Variants in PTPN21 observed in about 807,000 individuals in gnomAD.
The protein encoded by PTPN21 is protein tyrosine phosphatase non-receptor type 21, also known as tyrosine-protein phosphatase non-receptor type 21.
A neutral mutation model predicts 131.8 loss-of-function variants in PTPN21; 77 were observed. The ratio of observed to expected loss-of-function variants is 0.58; its 90% CI spans 0.49 to 0.71. The LOEUF (loss-of-function observed/expected upper bound fraction) is 0.71, where lower values mean the gene tolerates loss of function less well. Among genes scored for constraint, PTPN21 ranks in the 30% least tolerant of loss-of-function variants. The pLI is 0.00. For missense variants in PTPN21, 1,552 were observed against 1,527.1 expected, an observed-to-expected ratio of 1.02 and a Z score of -0.27; for synonymous variants, 715 against 621.3, an observed-to-expected ratio of 1.15 and a Z score of -2.24.
intron 8 of PTPN21, among the ~76,000 whole-genome samples, chr14:88,498,706 A>C (rs746222592): frequency 1.3e-5 from 2 of 152,218 alleles, no homozygotes; most frequent in Non-Finnish European, 2.9e-5. Context: ...TGCTCTGAAA[A>C]GCTTCAGGGT....
Position 88,469,177 on chromosome 14 carries a change from A to C in PTPN21, c.3236-101T>G. ...TCTCCACTGATTAAGAGGACTGCAG[A>C]TAAAGAGCACTGGGTGCCAGTGAAC... On this transcript the variant is annotated intron_variant, in intron 17 of 18. Coordinates refer to ENST00000556564, the MANE Select transcript of PTPN21 (RefSeq NM_007039.4). This position sits in a 1 kb window ranked among gnomAD's most constrained non-coding sequence, Gnocchi z 4.3. The C allele has an allele frequency of 7.5e-7, 1 of 1,326,038 alleles. No homozygotes were observed. The highest frequency in any genetic ancestry group is 2.4e-5 in the Admixed American group (1 of 41,000). The allele number at this position is 1,326,038 out of a possible 1,614,324, so 82.1% of individuals were successfully genotyped here. A position where few individuals can be genotyped will look rare whatever the true frequency, so the allele number is the denominator to read the frequency against.
chr14:88,470,317 C>A, intron 15 of PTPN21: 1 of 439,392 alleles, frequency 2.3e-6, no homozygotes, highest in Non-Finnish European at 4.1e-6. Flanking sequence ...AATGTCAGTT[C>A]TCATTTATAC....
chr14:88,553,568 A>G (rs2078891793), intron 1 of PTPN21, among the ~76,000 whole-genome samples: 1 of 152,056 alleles, frequency 6.6e-6, no homozygotes, highest in African/African-American at 2.4e-5. Context: ...ATAATTTACT[A>G]AAGTAAACAT....
At chr14:88,536,212 T>A (rs1188931437) in intron 2 of PTPN21, among the ~76,000 whole-genome samples, 1 of 152,212 alleles carries the variant, frequency 6.6e-6, no homozygotes, top group Non-Finnish European at 1.5e-5. Flanking sequence ...CATTGTCAGG[T>A]GTGTTTACAT....
chr14:88,495,090 G>A (rs562816744), intron 10 of PTPN21, among the ~76,000 whole-genome samples: 1 of 148,762 alleles, frequency 6.7e-6, no homozygotes, highest in Admixed American at 6.8e-5. Flanking sequence ...GATCATTCTG[G>A]CTGACATATG....
chr14:88,477,345 A>T (rs1411036707), intron 13 of PTPN21, among the ~76,000 whole-genome samples: 3 of 149,652 alleles, frequency 2.0e-5, no homozygotes, highest in Non-Finnish European at 1.5e-5. Context: ...AGGCAGCCAG[A>T]TCACAAGGCA....
chr14:88,497,406 T>A, intron 8 of PTPN21, 116 bp from the exon 9 acceptor site: 1 of 827,442 alleles, frequency 1.2e-6, no homozygotes, highest in African/African-American at 1.7e-5. Context: ...GTAACATTTT[T>A]GAGAAAAACA....
Position 88,472,232 on chromosome 14 carries a change from C to T in PTPN21, c.2871+12G>A, listed in dbSNP as rs777831382. ...TGCATGTGCTGTTGATTACTTGAGG[C>T]GTTCCTCTCACCTTAATATGTGATG... is the stretch of plus-strand genomic sequence containing the variant. On this transcript the variant is annotated intron_variant, in intron 15 of 18. Coordinates refer to ENST00000556564, the MANE Select transcript of PTPN21 (RefSeq NM_007039.4). 7 of 1,520,022 alleles carry T rather than the reference C, an allele frequency of 4.6e-6. No individual in the cohort carries two copies. Among genetic ancestry groups the T allele is most frequent in the African/African-American group, 1.4e-5 (1 of 72,808 alleles). 94.2% of individuals were successfully genotyped at this position (1,520,022 alleles called of 1,614,324 possible).
chr14:88,543,234 G>A (rs1365255219), intron 2 of PTPN21, among the ~76,000 whole-genome samples: 5 of 152,002 alleles, frequency 3.3e-5, no homozygotes, highest in Middle Eastern at 3.2e-3. Context: ...ATCCCCTAGC[G>A]AAAAAATATC....
intron 2 of PTPN21, among the ~76,000 whole-genome samples, chr14:88,538,916 A>G (rs2078665795): frequency 6.6e-6 from 1 of 152,230 alleles, no homozygotes; most frequent in African/African-American, 2.4e-5. Flanking sequence ...CACTTACAAA[A>G]GTGTCTCATG....
Position 88,479,009 on chromosome 14 carries a change from G to A in PTPN21, c.2422C>T (p.Arg808Ter). 1.9e-6 allele frequency: 3 copies of A among 1,602,164 alleles called. No individual in the cohort carries two copies. Among genetic ancestry groups the A allele is most frequent in the Non-Finnish European group, 2.6e-6 (3 of 1,174,996 alleles). ...ESDLTTSGRY[R>*]ARRDSLKKRP... ...TTCTTCAGAGAGTCCCTCCGGGCTC[G>A]GTAGCGGCCTGACGTGGTGAGGTCG... Residue 808 changes from arginine (R) to a stop codon, truncating the protein, a stop_gained, in exon 13 of 19, where the codon CGA becomes TGA. Coordinates refer to ENST00000556564, the MANE Select transcript of PTPN21 (RefSeq NM_007039.4). LOFTEE classifies it high-confidence loss of function.
At chr14:88,545,983 C>A (rs1398427671) in intron 2 of PTPN21, among the ~76,000 whole-genome samples, 2 of 138,170 alleles carry the variant, frequency 1.4e-5, no homozygotes, top group African/African-American at 5.6e-5. Flanking sequence ...TAGAGCGAGA[C>A]TCTGTCTCAA....
intron 2 of PTPN21, among the ~76,000 whole-genome samples, chr14:88,519,716 C>A (rs546170644): frequency 6.6e-6 from 1 of 152,198 alleles, no homozygotes; most frequent in African/African-American, 2.4e-5. Context: ...CCATTTTCCC[C>A]TATATCCACA....
intron 9 of PTPN21, among the ~76,000 whole-genome samples, chr14:88,496,791 C>CAA (rs1269138526): frequency 6.6e-6 from 1 of 152,166 alleles, no homozygotes; most frequent in Non-Finnish European, 1.5e-5. Flanking sequence ...CAAATATACT[C>CAA]AAAGACATTT....
chr14:88,469,122 T>A lies in PTPN21; in HGVS notation c.3236-46A>T. The A allele has an allele frequency of 1.3e-6, 2 of 1,559,434 alleles. No homozygotes were observed. Among genetic ancestry groups the A allele is most frequent in the Non-Finnish European group, 1.7e-6 (2 of 1,143,324 alleles). ...AGAAAAGTACTCAAGGATCAAGGCG[T>A]ATCACATTGTTGACTCAATCTTCAT... On this transcript the variant is annotated intron_variant, in intron 17 of 18. Coordinates refer to ENST00000556564, the MANE Select transcript of PTPN21 (RefSeq NM_007039.4). The surrounding 1 kb of genome is among the most constrained non-coding windows in gnomAD (Gnocchi z 4.3).
intron 2 of PTPN21, among the ~76,000 whole-genome samples, chr14:88,537,268 G>A (rs1285236545): frequency 1.3e-5 from 2 of 152,134 alleles, no homozygotes; most frequent in African/African-American, 4.8e-5. Flanking sequence ...TTAAGGAAGA[G>A]TCAAATGATA....
At chr14:88,549,261 T>A (rs1298282116) in intron 2 of PTPN21, among the ~76,000 whole-genome samples, 1 of 152,034 alleles carries the variant, frequency 6.6e-6, no homozygotes, top group Non-Finnish European at 1.5e-5. Flanking sequence ...TCTAAAAAAA[T>A]TAAAATGAAC....
chr14:88,510,846 C>T (rs1458105177), intron 3 of PTPN21, among the ~76,000 whole-genome samples: 2 of 151,988 alleles, frequency 1.3e-5, no homozygotes, highest in East Asian at 3.9e-4. Flanking sequence ...TGTATTATCC[C>T]TCAAATACTT....
chr14:88,491,311 T>C (rs149055482), intron 10 of PTPN21, among the ~76,000 whole-genome samples: 22 of 152,172 alleles, frequency 1.4e-4, no homozygotes, highest in Non-Finnish European at 2.5e-4. Flanking sequence ...CAAGCAGCAA[T>C]AAACTACAAT....
Sources: allele counts gnomAD v4.1 joint callset (sites outside exome capture counted in the v4.1 genomes callset), GRCh38; gene constraint gnomAD v4.1.1; non-coding constraint Gnocchi (gnomAD v3.1); transcripts MANE v1.5; gene names NCBI Gene and HGNC (gene_info 2026-07-23, HGNC 2026-07-21).